Variants in DNAJC2 observed in about 807,000 individuals in gnomAD.
The protein encoded by DNAJC2 is dnaJ homolog subfamily C member 2.
In DNAJC2, 32 loss-of-function variants were observed where a neutral mutation model predicts 94.0. The observed-to-expected ratio is 0.34, with a 90% CI of 0.26 to 0.46. The LOEUF (loss-of-function observed/expected upper bound fraction) is 0.46. DNAJC2 is among the 20% of genes least tolerant of loss of function. DNAJC2 has a pLI of 1.00. For missense variants in DNAJC2, 550 were observed against 719.5 expected (o/e 0.76, Z 2.69); for synonymous variants, 210 against 229.7 (o/e 0.91, Z 0.77).
chr7:103,312,820 G>T, intron 16 of DNAJC2, 127 bp downstream of exon 16: 1 of 1,516,986 alleles, frequency 6.6e-7, no homozygotes, highest in Non-Finnish European at 8.8e-7. Flanking sequence ...TCATAATATT[G>T]ACCCCATAAC....
chr7:103,326,671 T>C lies in DNAJC2; in HGVS notation c.444A>G (p.Leu148=), dbSNP rs1818724773. 1 of 1,606,466 alleles carries C rather than the reference T, an allele frequency of 6.2e-7. No individual in the cohort carries two copies. Among genetic ancestry groups the C allele is most frequent in the Non-Finnish European group, 8.5e-7 (1 of 1,177,840 alleles). Residue 148 remains leucine (L), a synonymous_variant, in exon 5 of 17, where the codon TTA becomes TTG. Transcript: ENST00000379263. ...FTCITKAYEM[L]SDPVKRRAFN... ...ATGCTCGTCTTTTCACTGGATCAGA[T>C]AACATTTCATAAGCTGAGAAAAAAA...
In DNAJC2 at chr7:103,319,651, TGTGA is replaced by T. The variant is rs1818272727; in HGVS notation, c.1196_1199del (p.Leu399HisfsTer7). ...CCTTTCCTACTTCTTTTGTGCATGA[TGTGA>T]GTGTTTCATTCAAGCACTGTAAGCT... On this transcript the variant is annotated frameshift_variant, in exon 12 of 17. Coordinates refer to ENST00000379263, the MANE Select transcript of DNAJC2 (RefSeq NM_014377.3). LOFTEE classifies it high-confidence loss of function. 6.2e-7 allele frequency: 1 copy of T among 1,614,080 alleles called. No homozygotes were observed. The highest frequency in any genetic ancestry group is 8.5e-7 in the Non-Finnish European group (1 of 1,180,012).
chr7:103,344,243 A>T, intron 1 of DNAJC2: 1 of 380,700 alleles, frequency 2.6e-6, no homozygotes. Flanking sequence ...ACCGTAGGCA[A>T]GGAGATGCTT....
intron 3 of DNAJC2, among the ~76,000 whole-genome samples, chr7:103,330,612 C>A (rs140254804): frequency 6.6e-6 from 1 of 152,044 alleles, no homozygotes; most frequent in East Asian, 1.9e-4. Flanking sequence ...CCACTACGCC[C>A]GGCTAATTTT....
chr7:103,324,355 G>A, intron 6 of DNAJC2, 127 bp downstream of exon 6: 1 of 732,090 alleles, frequency 1.4e-6, no homozygotes, highest in Non-Finnish European at 2.0e-6. Context: ...ATAGGTAACA[G>A]AGTGCTTTTG....
chr7:103,341,796 T>G lies in DNAJC2; in HGVS notation c.223A>C (p.Met75Leu). 1 of 1,598,974 alleles carries G rather than the reference T, an allele frequency of 6.3e-7. No homozygotes were observed. The highest frequency in any genetic ancestry group is 8.5e-7 in the Non-Finnish European group (1 of 1,173,736). Reference protein sequence around the residue: ...DEELQLEEFPMLKTLDPKDWK... With the variant: ...DEELQLEEFPLLKTLDPKDWK... ...TCTTTGGGATCAAGTGTTTTCAGCA[T>G]GGGAAACTCTTCCAACTGCAATTCT... The change falls in exon 2 of 17, where the codon ATG becomes CTG. Residue 75 changes from methionine to leucine, a missense_variant. This residue lies in a region of DNAJC2 where 279 missense variants were observed against 416.9 expected (regional missense o/e 0.67). Transcript: ENST00000379263.
intron 2 of DNAJC2, among the ~76,000 whole-genome samples, chr7:103,341,409 G>C (rs570750647): frequency 6.6e-6 from 1 of 152,226 alleles, no homozygotes; most frequent in East Asian, 1.9e-4. Flanking sequence ...TACCCTATAC[G>C]ACTTATCAAT....
In DNAJC2 at chr7:103,324,524, A is replaced by G; in HGVS notation, c.611T>C (p.Met204Thr). 6.7e-7 allele frequency: 1 copy of G among 1,497,076 alleles called. No homozygotes were observed. The highest frequency in any genetic ancestry group is 9.0e-7 in the Non-Finnish European group (1 of 1,111,848). The allele number at this position is 1,497,076 out of a possible 1,614,324, so 92.7% of individuals were successfully genotyped here. The change falls in exon 6 of 17, where the codon ATG (methionine) becomes ACG (threonine). Residue 204 changes from methionine (M) to threonine (T), a missense_variant. Coordinates refer to ENST00000379263, the MANE Select transcript of DNAJC2 (RefSeq NM_014377.3). ...ATCTACATCTTCAAATGATGAATTC[A>G]TATCACCAAGTTTAGGAACATTTTT... ...NKKNVPKLGD[M>T]NSSFEDVDIF...
At chr7:103,326,998 A>G (rs1818741701) in intron 4 of DNAJC2, among the ~76,000 whole-genome samples, 1 of 152,222 alleles carries the variant, frequency 6.6e-6, no homozygotes, top group African/African-American at 2.4e-5. Flanking sequence ...CAAGGTTGTA[A>G]AAGATCGAAG....
chr7:103,339,806 C>CACATAACAGTCAATCTTTCTGA (rs1819310181), intron 2 of DNAJC2, among the ~76,000 whole-genome samples: 1 of 151,668 alleles, frequency 6.6e-6, no homozygotes, highest in Admixed American at 6.6e-5. Flanking sequence ...ATGTGATTGA[C>CACATAACAGTCAATCTTTCTGA]CTCTTTCTGA....
chr7:103,337,316 C>G (rs549350281), intron 3 of DNAJC2: 2 of 153,428 alleles, frequency 1.3e-5, no homozygotes, highest in Admixed American at 6.5e-5. Context: ...TTTTCTTGGA[C>G]AGAAGACAGG....
At chr7:103,312,694 A>G (rs1279778654) in intron 16 of DNAJC2, 51 bp from the exon 17 acceptor site, 3 of 1,602,426 alleles carry the variant, frequency 1.9e-6, no homozygotes, top group Non-Finnish European at 1.7e-6. Context: ...AAAAACAGAC[A>G]TTTTAATCTA....
Position 103,319,590 on chromosome 7 carries a change from T to A in DNAJC2, c.1242+19A>T. ...ATTAAATGCTACATATAGGTAGGAG[T>A]GATGTGTTCCTCTATTACCTGTTTT... On this transcript the variant is annotated intron_variant, in intron 12 of 16. Coordinates refer to ENST00000379263, the MANE Select transcript of DNAJC2 (RefSeq NM_014377.3). The A allele has an allele frequency of 6.2e-7, 1 of 1,611,754 alleles. No individual in the cohort carries two copies. The highest frequency in any genetic ancestry group is 1.1e-5 in the South Asian group (1 of 91,016).
At chr7:103,328,862 A>C (rs1051541383) in intron 3 of DNAJC2, 9 of 438,818 alleles carry the variant, frequency 2.1e-5, no homozygotes, top group Non-Finnish European at 3.3e-5. Flanking sequence ...TTGCATTATT[A>C]TAAATAATGC....
intron 15 of DNAJC2, chr7:103,314,226 G>C: frequency 1.0e-6 from 1 of 985,292 alleles, no homozygotes; most frequent in Non-Finnish European, 1.2e-6. Flanking sequence ...GAAAAAAGAT[G>C]GAAGTGACAT....
chr7:103,323,468 T>G, intron 7 of DNAJC2, 130 bp downstream of exon 7: 1 of 987,620 alleles, frequency 1.0e-6, no homozygotes, highest in Non-Finnish European at 1.4e-6. Flanking sequence ...TTTCAAAATA[T>G]TAAAAAATTG....
chr7:103,326,454 CTA>C, intron 5 of DNAJC2, 87 bp downstream of exon 5: 1 of 1,292,204 alleles, frequency 7.7e-7, no homozygotes, highest in Non-Finnish European at 1.1e-6. Flanking sequence ...ATAAATGAAA[CTA>C]TTATCAGAGG....
At chr7:103,313,732 A>G (rs1817888430) in intron 15 of DNAJC2, 1 of 985,380 alleles carries the variant, frequency 1.0e-6, no homozygotes. Context: ...TGGTTCTTCA[A>G]CTAAACCTTG....
chr7:103,312,826 A>G (rs1361040330), intron 16 of DNAJC2, 121 bp downstream of exon 16: 12 of 1,522,290 alleles, frequency 7.9e-6, no homozygotes, highest in Non-Finnish European at 9.6e-6. Flanking sequence ...TATTGACCCC[A>G]TAACTACTGG....
Sources: gnomAD v4.1 joint callset for allele counts (sites outside exome capture counted in the v4.1 genomes callset) on GRCh38, gnomAD v4.1.1 for gene constraint, gnomAD v4.1.1 regional missense constraint, MANE v1.5 for transcripts, NCBI Gene and HGNC (gene_info 2026-07-23, HGNC 2026-07-21) for gene names.